Variants in TRAPPC9 observed in about 807,000 individuals in gnomAD.
TRAPPC9 encodes the protein IKK2 binding protein.
A neutral mutation model predicts 124.0 loss-of-function variants in TRAPPC9; 83 were observed. That is an observed-to-expected ratio of 0.67 (90% CI 0.56 to 0.80). TRAPPC9 has a LOEUF of 0.80. Among genes scored for constraint, TRAPPC9 ranks in the 30% least tolerant of loss-of-function variants. TRAPPC9 has a pLI of 0.00. For synonymous variants in TRAPPC9, 638 were observed against 617.5 expected (o/e 1.03, Z -0.49); for missense variants, 1,302 against 1,508.3 (o/e 0.86, Z 2.27).
chr8:140,138,223 A>G (rs1427860229), intron 17 of TRAPPC9, among the ~76,000 whole-genome samples: 6 of 152,210 alleles, frequency 3.9e-5, no homozygotes, highest in Admixed American at 3.9e-4. Context: ...AATCACTTGA[A>G]TCTGGGAGGC....
At chr8:140,135,203 T>C (rs1401043438) in intron 17 of TRAPPC9, among the ~76,000 whole-genome samples, 2 of 152,188 alleles carry the variant, frequency 1.3e-5, no homozygotes, top group Non-Finnish European at 2.9e-5. Flanking sequence ...GAAACCCTTG[T>C]GCATTGCTAG....
At chr8:140,270,408 G>A (rs1205637923) in intron 15 of TRAPPC9, among the ~76,000 whole-genome samples, 5 of 152,220 alleles carry the variant, frequency 3.3e-5, no homozygotes, top group Non-Finnish European at 1.5e-5. Flanking sequence ...AAATGCGGCT[G>A]ATAGGGCCAT....
At chr8:139,981,253 C>A (rs1432108872) in intron 19 of TRAPPC9, among the ~76,000 whole-genome samples, 2 of 152,204 alleles carry the variant, frequency 1.3e-5, no homozygotes, top group Non-Finnish European at 2.9e-5. Flanking sequence ...GTCCAGAGCC[C>A]AGGCTCTATC....
At chr8:139,768,675 TA>T (rs2130423756) in intron 21 of TRAPPC9, among the ~76,000 whole-genome samples, 1 of 152,352 alleles carries the variant, frequency 6.6e-6, no homozygotes, top group Admixed American at 6.5e-5. Flanking sequence ...CAACAGGGGT[TA>T]TCTAAACACA....
intron 17 of TRAPPC9, among the ~76,000 whole-genome samples, chr8:140,031,828 G>T (rs1256183624): frequency 1.3e-5 from 2 of 152,188 alleles, no homozygotes; most frequent in Non-Finnish European, 2.9e-5. Context: ...TTCCAGCCAA[G>T]AGGCCCAGGA....
At chr8:140,381,465 A>T (rs184557885) in intron 7 of TRAPPC9, among the ~76,000 whole-genome samples, 1 of 152,148 alleles carries the variant, frequency 6.6e-6, no homozygotes, top group Non-Finnish European at 1.5e-5. Flanking sequence ...CAGGAGATCG[A>T]GTCCATCTTG....
At chr8:140,442,432 T>C (rs1361303832) in intron 2 of TRAPPC9, among the ~76,000 whole-genome samples, 1 of 151,628 alleles carries the variant, frequency 6.6e-6, no homozygotes, top group Non-Finnish European at 1.5e-5. Flanking sequence ...ACCCCGTGTC[T>C]ACTGAAAATA....
chr8:139,776,780 T>C lies in TRAPPC9; in HGVS notation c.3056-44578A>G, dbSNP rs917586121. 2.0e-5 allele frequency among the ~76,000 whole-genome samples: 3 copies of C among 152,188 alleles called. No individual in the cohort carries two copies. Among genetic ancestry groups the C allele is most frequent in the African/African-American group, 7.2e-5 (3 of 41,452 alleles). ...TGATAAATCTTACCTGGGAAACGAC[T>C]GCATAAGAAGTTCCTCAGGGAAAAC... On this transcript the variant is annotated intron_variant, in intron 21 of 22. Transcript: ENST00000438773. This position sits in a 1 kb window ranked among gnomAD's most constrained non-coding sequence, Gnocchi z 4.1.
At chr8:140,304,427 C>T (rs952722618) in intron 10 of TRAPPC9, among the ~76,000 whole-genome samples, 1 of 151,872 alleles carries the variant, frequency 6.6e-6, no homozygotes, top group Non-Finnish European at 1.5e-5. Flanking sequence ...TGGTAAAATC[C>T]ATGTTTCCGG....
At chr8:140,271,136 T>C (rs1014322484) in intron 15 of TRAPPC9, among the ~76,000 whole-genome samples, 2 of 152,232 alleles carry the variant, frequency 1.3e-5, no homozygotes, top group African/African-American at 4.8e-5. Flanking sequence ...TTAGCTTGCT[T>C]GTTCAAGTAT....
At chr8:139,856,237 A>T (rs1827790747) in intron 21 of TRAPPC9, among the ~76,000 whole-genome samples, 1 of 152,114 alleles carries the variant, frequency 6.6e-6, no homozygotes, top group Non-Finnish European at 1.5e-5. Context: ...AGGGGCACAC[A>T]GGCACTGGAG....
chr8:140,412,524 T>C (rs902069916), intron 5 of TRAPPC9, among the ~76,000 whole-genome samples: 1 of 152,214 alleles, frequency 6.6e-6, no homozygotes, highest in Non-Finnish European at 1.5e-5. Flanking sequence ...ATCACTGTAC[T>C]GTTTATGTGA....
rs2063205864 is a variant in TRAPPC9, at chr8:140,216,737, CT to C, written c.2556+4721del. ...CGCAGGTTCGGGAATGCCCTCTCCA[CT>C]CTGGCCTGCTAGCTCACCCCAGCTT... On this transcript the variant is annotated intron_variant, in intron 17 of 22. Transcript: ENST00000438773. The surrounding 1 kb of genome is among the most constrained non-coding windows in gnomAD (Gnocchi z 4.1). Among the ~76,000 whole-genome samples the C allele has an allele frequency of 6.6e-6, 1 of 152,230 alleles. No individual in the cohort carries two copies. The highest frequency in any genetic ancestry group is 2.1e-4 in the South Asian group (1 of 4,824).
chr8:140,252,952 G>A lies in TRAPPC9; in HGVS notation c.2279-23C>T. The A allele has an allele frequency of 6.2e-7, 1 of 1,612,574 alleles. No individual in the cohort carries two copies. Among genetic ancestry groups the A allele is most frequent in the Non-Finnish European group, 8.5e-7 (1 of 1,179,480 alleles). On this transcript the variant is annotated intron_variant, in intron 15 of 22. Coordinates refer to ENST00000438773, the MANE Select transcript of TRAPPC9 (RefSeq NM_001160372.4). The surrounding 1 kb of genome is among the most constrained non-coding windows in gnomAD (Gnocchi z 4.2). ...TTTCTGTAATAATAACAATGACAGT[G>A]ATGAGGATGCTGTAACTGAGGCAGT...
intron 17 of TRAPPC9, chr8:140,099,320 T>TGCAGTAGTGCCGCAATCC (rs2060525573): frequency 6.6e-6 from 1 of 151,016 alleles, no homozygotes; most frequent in Non-Finnish European, 1.5e-5. Context: ...TCTGCGCAAC[T>TGCAGTAGTGCCGCAATCC]GCAGTAGTGC....
chr8:140,126,477 G>A (rs1435367540), intron 17 of TRAPPC9, among the ~76,000 whole-genome samples: 1 of 152,182 alleles, frequency 6.6e-6, no homozygotes, highest in Non-Finnish European at 1.5e-5. Context: ...GTCACGAGAA[G>A]TTCATCAGAC....
chr8:140,369,812 C>T (rs941397082), intron 8 of TRAPPC9, among the ~76,000 whole-genome samples: 2 of 152,016 alleles, frequency 1.3e-5, no homozygotes, highest in Admixed American at 6.5e-5. Flanking sequence ...ATTAGCTGGG[C>T]GTGGTAGCAC....
At chr8:140,242,124 C>G (rs965024423) in intron 16 of TRAPPC9, among the ~76,000 whole-genome samples, 3 of 142,686 alleles carry the variant, frequency 2.1e-5, no homozygotes, top group Non-Finnish European at 4.5e-5. Context: ...CCCAGCAACA[C>G]GAAGAGGCAG....
chr8:140,059,072 A>G (rs1842442529), intron 17 of TRAPPC9, among the ~76,000 whole-genome samples: 1 of 152,230 alleles, frequency 6.6e-6, no homozygotes, highest in Admixed American at 6.5e-5. Context: ...CCACACAGAG[A>G]AAAGATAAAG....
Sources: allele counts gnomAD v4.1 joint callset (sites outside exome capture counted in the v4.1 genomes callset), GRCh38; gene constraint gnomAD v4.1.1; non-coding constraint Gnocchi (gnomAD v3.1); transcripts MANE v1.5; gene names NCBI Gene and HGNC (gene_info 2026-07-23, HGNC 2026-07-21).